SRPK1: variants seen among roughly 807,000 people sequenced by gnomAD.
SRPK1 encodes the protein SRSF protein kinase 1.
SRPK1 carries 52 observed loss-of-function variants against 89.5 expected under a neutral mutation model. The observed-to-expected ratio is 0.58, with a 90% CI of 0.46 to 0.73. The LOEUF is 0.73. SRPK1 is among the 30% of genes least tolerant of loss of function. SRPK1 has a pLI of 0.00. For synonymous variants in SRPK1, 255 were observed against 270.2 expected (o/e 0.94, Z 0.55); for missense variants, 603 against 780.6 (o/e 0.77, Z 2.71).
intron 14 of SRPK1, chr6:35,838,828 A>C: frequency 7.3e-7 from 1 of 1,364,784 alleles, no homozygotes; most frequent in Non-Finnish European, 9.8e-7. Flanking sequence ...AGAACAGATC[A>C]AGGACAAGCT....
intron 2 of SRPK1, among the ~76,000 whole-genome samples, chr6:35,893,177 A>G (rs1770555894): frequency 2.0e-5 from 3 of 152,334 alleles, no homozygotes; most frequent in African/African-American, 7.2e-5. Flanking sequence ...TCTCTGATTC[A>G]AACTTAATGA....
In SRPK1 at chr6:35,921,061, A is replaced by C; in HGVS notation, c.-5T>G. The C allele has an allele frequency of 6.5e-7, 1 of 1,533,580 alleles. No individual in the cohort carries two copies. The highest frequency in any genetic ancestry group is 8.8e-7 in the Non-Finnish European group (1 of 1,141,326). The allele number at this position is 1,533,580 out of a possible 1,614,324, so 95.0% of individuals were successfully genotyped here. The stretch of plus-strand genomic sequence containing the variant: ...CCGCTCACCTTTCCGCTCCATGGTG[A>C]GACCGGTAATCGCCAGGCGCCTGCG... On this transcript the variant is annotated 5_prime_UTR_variant, in exon 1 of 16. Transcript: ENST00000373825.
At chr6:35,876,981 T>C (rs1405572059) in intron 6 of SRPK1, among the ~76,000 whole-genome samples, 3 of 151,936 alleles carry the variant, frequency 2.0e-5, no homozygotes, top group Non-Finnish European at 4.4e-5. Context: ...AGAGAGAAAT[T>C]TGGAGATTTG....
Position 35,915,974 on chromosome 6 carries a change from AAAC to A in SRPK1, c.74+4491_74+4493del, listed in dbSNP as rs1198637003. ...GCGACAGAACGAGACTCTGTCTCAA[AAAC>A]AAAAAAAAAAAAAAATATATACACA... On this transcript the variant is annotated intron_variant, in intron 2 of 15. Coordinates refer to ENST00000373825, the MANE Select transcript of SRPK1 (RefSeq NM_003137.5). Among the ~76,000 whole-genome samples, 53 of 103,690 alleles carry A rather than the reference AAAC, an allele frequency of 5.1e-4. 4 individuals carry two copies. The South Asian group carries it at 7.6e-3, about 15-fold the overall frequency. The allele number at this position is 103,690 out of a possible 152,430, so 68.0% of individuals were successfully genotyped here.
chr6:35,909,776 C>T (rs113283774), intron 2 of SRPK1, among the ~76,000 whole-genome samples: 2,417 of 152,288 alleles, frequency 0.016, 26 homozygotes, highest in Middle Eastern at 0.037. Flanking sequence ...CTTGCTGTTG[C>T]ACACACTTCC....
At chr6:35,863,511 T>C (rs1213359988) in intron 12 of SRPK1, among the ~76,000 whole-genome samples, 1 of 151,400 alleles carries the variant, frequency 6.6e-6, no homozygotes, top group Non-Finnish European at 1.5e-5. Flanking sequence ...AATTTTTTTT[T>C]CAGTTTAGAA....
At chr6:35,883,968 C>T (rs754850223) in intron 6 of SRPK1, among the ~76,000 whole-genome samples, 16 of 151,902 alleles carry the variant, frequency 1.1e-4, no homozygotes, top group South Asian at 6.2e-4. Context: ...CTCCTGACCT[C>T]GTGATCCGCC....
At chr6:35,844,511 C>T (rs2151079754) in intron 13 of SRPK1, among the ~76,000 whole-genome samples, 1 of 152,238 alleles carries the variant, frequency 6.6e-6, no homozygotes, top group South Asian at 2.1e-4. Context: ...TCTGCAGTTT[C>T]ATGACAGAAC....
At chr6:35,871,965 T>C (rs1295827735) in intron 8 of SRPK1, among the ~76,000 whole-genome samples, 1 of 152,136 alleles carries the variant, frequency 6.6e-6, no homozygotes, top group Admixed American at 6.5e-5. Context: ...GGTCTCAAAC[T>C]TCTGGGCCCA....
chr6:35,907,705 C>CAAAAAAT (rs543326003), intron 2 of SRPK1, among the ~76,000 whole-genome samples: 4 of 128,816 alleles, frequency 3.1e-5, no homozygotes, highest in Admixed American at 1.6e-4. Flanking sequence ...AACTCCGTCT[C>CAAAAAAT]AAAAAATAAA....
rs1414817526 is a variant in SRPK1, at chr6:35,834,323, A to G, written c.*981T>C. 4 of 152,380 alleles carry G rather than the reference A, an allele frequency of 2.6e-5. No individual in the cohort carries two copies. Among genetic ancestry groups the G allele is most frequent in the African/African-American group, 9.6e-5 (4 of 41,462 alleles). 9.4% of individuals were successfully genotyped at this position (152,380 alleles called of 1,614,324 possible). On this transcript the variant is annotated 3_prime_UTR_variant, in exon 16 of 16. Transcript: ENST00000373825. The stretch of plus-strand genomic sequence containing the variant: ...TCAAGGCCAGAATTTTGGGTAAGGT[A>G]AAGAAAAAGCTGTACATGAAAGCAG...
chr6:35,846,556 C>A (rs1311336718), intron 13 of SRPK1, among the ~76,000 whole-genome samples: 514 of 115,884 alleles, frequency 4.4e-3, no homozygotes, highest in Admixed American at 4.7e-3. Context: ...ACTGTGTCTC[C>A]AAAAAAAAAA....
At position 35,872,625 on chromosome 6, in the gene SRPK1, C is replaced by G. The variant is rs1219892868; in HGVS notation, c.689G>C (p.Arg230Thr). 1 of 1,612,324 alleles carries G rather than the reference C, an allele frequency of 6.2e-7. No homozygotes were observed. The highest frequency in any genetic ancestry group is 8.5e-7 in the Non-Finnish European group (1 of 1,179,248). The stretch of plus-strand genomic sequence containing the variant: ...CCATTCTGTTGCTTCTGCAGCCAGC[C>G]TCCGAATGTACTGCTCATTCACTGA... Reference protein sequence around the residue: ...LLSVNEQYIRRLAAEATEWQR... With the variant: ...LLSVNEQYIRTLAAEATEWQR... Residue 230 changes from arginine to threonine, a missense_variant, in exon 8 of 16, where the codon AGG (arginine) becomes ACG (threonine). Arg to Thr is a moderately conservative substitution (Grantham distance 71, BLOSUM62 -1). Transcript: ENST00000373825.
chr6:35,859,420 AGTG>A (rs1769730414), intron 12 of SRPK1, among the ~76,000 whole-genome samples: 1 of 152,326 alleles, frequency 6.6e-6, no homozygotes, highest in East Asian at 1.9e-4. Flanking sequence ...AGCTTAGTAC[AGTG>A]GTCCATCAGT....
intron 2 of SRPK1, among the ~76,000 whole-genome samples, chr6:35,893,401 C>T (rs1770562035): frequency 6.6e-6 from 1 of 151,954 alleles, no homozygotes; most frequent in African/African-American, 2.4e-5. Flanking sequence ...GGGAGGAATG[C>T]TTGAAGCTGC....
intron 13 of SRPK1, among the ~76,000 whole-genome samples, chr6:35,856,286 A>G (rs1769664644): frequency 6.6e-6 from 1 of 151,824 alleles, no homozygotes; most frequent in African/African-American, 2.4e-5. Context: ...AGGACACAGA[A>G]GCTTCACATT....
At chr6:35,873,633 G>A (rs1770086166) in intron 7 of SRPK1, among the ~76,000 whole-genome samples, 2 of 151,614 alleles carry the variant, frequency 1.3e-5, no homozygotes, top group Non-Finnish European at 2.9e-5. Context: ...GGGATTATAG[G>A]CGCTTACCAC....
intron 2 of SRPK1, among the ~76,000 whole-genome samples, chr6:35,906,840 A>C (rs898175951): frequency 9.9e-5 from 15 of 152,124 alleles, no homozygotes; most frequent in East Asian, 3.9e-4. Flanking sequence ...GGAAAAAAAA[A>C]CCCACTCTAA....
chr6:35,913,049 G>A (rs1435218828), intron 2 of SRPK1, among the ~76,000 whole-genome samples: 1 of 152,218 alleles, frequency 6.6e-6, no homozygotes, highest in African/African-American at 2.4e-5. Flanking sequence ...TGGGATTACA[G>A]GCATAAGCCA....
Sources: allele counts gnomAD v4.1 joint callset (sites outside exome capture counted in the v4.1 genomes callset), GRCh38; gene constraint gnomAD v4.1.1; transcripts MANE v1.5; gene names NCBI Gene and HGNC (gene_info 2026-07-23, HGNC 2026-07-21).